Variants in AKT3 observed in about 807,000 individuals in gnomAD.
The protein encoded by AKT3 is RAC-gamma serine/threonine-protein kinase.
Under a neutral mutation model 65.3 loss-of-function variants are expected in AKT3, and 15 were observed. The ratio of observed to expected loss-of-function variants is 0.23; its 90% CI spans 0.15 to 0.35. AKT3 has a LOEUF of 0.35. AKT3 is among the 10% of genes least tolerant of loss of function. AKT3 has a pLI of 1.00. For missense variants in AKT3, 243 were observed against 576.5 expected (o/e 0.42, Z 5.92); for synonymous variants, 206 against 183.8 (o/e 1.12, Z -0.98).
At chr1:243,685,783 G>C (rs1406148087) in intron 3 of AKT3, among the ~76,000 whole-genome samples, 1 of 152,138 alleles carries the variant, frequency 6.6e-6, no homozygotes, top group Non-Finnish European at 1.5e-5. Context: ...AAGAAATAAA[G>C]GGGATTCAAA....
intron 6 of AKT3, among the ~76,000 whole-genome samples, chr1:243,626,480 C>G (rs1176500778): frequency 6.6e-6 from 1 of 152,098 alleles, no homozygotes; most frequent in Non-Finnish European, 1.5e-5. Context: ...AGCTGGGAAG[C>G]AAAAATGACA....
chr1:243,596,047 A>T (rs1161135601), intron 8 of AKT3, among the ~76,000 whole-genome samples: 1 of 152,212 alleles, frequency 6.6e-6, no homozygotes, highest in Non-Finnish European at 1.5e-5. Context: ...TACAACATTT[A>T]CATCACTAGG....
intron 13 of AKT3, chr1:243,488,507 C>T: frequency 5.0e-6 from 1 of 198,042 alleles, no homozygotes; most frequent in Non-Finnish European, 1.1e-5. Flanking sequence ...AGAGGAGCGC[C>T]CATCAGCAGA....
chr1:243,818,932 C>T (rs1276459942), intron 2 of AKT3, among the ~76,000 whole-genome samples: 1 of 152,174 alleles, frequency 6.6e-6, no homozygotes, highest in Non-Finnish European at 1.5e-5. Context: ...AAGGGGAGCT[C>T]CCACCCTCAG....
chr1:243,763,383 A>G (rs1478014396), intron 2 of AKT3, among the ~76,000 whole-genome samples: 3 of 152,096 alleles, frequency 2.0e-5, no homozygotes, highest in Non-Finnish European at 4.4e-5. Context: ...AATTATATTC[A>G]ATGAATGAGA....
chr1:243,615,244 A>G, intron 6 of AKT3, 83 bp from the exon 7 acceptor site: 1 of 1,082,114 alleles, frequency 9.2e-7, no homozygotes, highest in East Asian at 2.5e-5. Context: ...AAATTGGAAG[A>G]GGTTAAGCCC....
chr1:243,687,374 G>C (rs1684396923), intron 3 of AKT3: 1 of 152,136 alleles, frequency 6.6e-6, no homozygotes, highest in Non-Finnish European at 1.5e-5. Context: ...AGAAGAGGAA[G>C]CAGGCTCTAA....
At chr1:243,643,403 T>A (rs1025251834) in intron 5 of AKT3, among the ~76,000 whole-genome samples, 1 of 152,236 alleles carries the variant, frequency 6.6e-6, no homozygotes, top group Non-Finnish European at 1.5e-5. Flanking sequence ...CTTTTTATCC[T>A]TTTATGCTAT....
intron 10 of AKT3, among the ~76,000 whole-genome samples, chr1:243,558,216 T>C (rs1488792686): frequency 1.3e-5 from 2 of 152,078 alleles, no homozygotes; most frequent in South Asian, 2.1e-4. Context: ...CCTACAACAC[T>C]AGTCCATGCC....
rs1314007332 is a variant in AKT3, at chr1:243,502,585, G to A, written c.*2664C>T. On this transcript the variant is annotated 3_prime_UTR_variant, in exon 14 of 14. Coordinates refer to ENST00000673466, the MANE Select transcript of AKT3 (RefSeq NM_005465.7). ...AGAACCCAAAACTACAACTATGGGC[G>A]ACACAAGGGAAGTTTTAGAAATCTC... is the stretch of plus-strand genomic sequence containing the variant. 4.3e-6 allele frequency: 1 copy of A among 233,138 alleles called. No individual in the cohort carries two copies. Among genetic ancestry groups the A allele is most frequent in the Non-Finnish European group, 8.5e-6 (1 of 118,010 alleles). The allele number at this position is 233,138 out of a possible 1,614,324, so 14.4% of individuals were successfully genotyped here.
intron 13 of AKT3, among the ~76,000 whole-genome samples, chr1:243,488,781 A>T (rs978304949): frequency 6.6e-6 from 1 of 152,074 alleles, no homozygotes; most frequent in African/African-American, 2.4e-5. Flanking sequence ...CGTGTTTTCT[A>T]ATTGATAGTG....
chr1:243,612,022 TA>T (rs1677907492), intron 8 of AKT3, among the ~76,000 whole-genome samples: 1 of 152,208 alleles, frequency 6.6e-6, no homozygotes, highest in Non-Finnish European at 1.5e-5. Flanking sequence ...ACAGCAAGGA[TA>T]ATATCTTAAC....
At chr1:243,508,903 C>T (rs570930438) in intron 13 of AKT3, among the ~76,000 whole-genome samples, 2 of 152,114 alleles carry the variant, frequency 1.3e-5, no homozygotes, top group South Asian at 2.1e-4. Context: ...TCCTCCTGAC[C>T]TCAAGTGATC....
intron 2 of AKT3, among the ~76,000 whole-genome samples, chr1:243,712,531 T>A (rs1241443527): frequency 6.6e-6 from 1 of 152,116 alleles, no homozygotes; most frequent in East Asian, 1.9e-4. Flanking sequence ...CATAAGCACT[T>A]TTTAATTCTC....
chr1:243,744,347 G>C (rs1688341913), intron 2 of AKT3, among the ~76,000 whole-genome samples: 1 of 152,156 alleles, frequency 6.6e-6, no homozygotes, highest in African/African-American at 2.4e-5. Context: ...TTTAAATATA[G>C]GTGTTACATG....
At chr1:243,824,580 A>C (rs1431429527) in intron 2 of AKT3, among the ~76,000 whole-genome samples, 1 of 152,170 alleles carries the variant, frequency 6.6e-6, no homozygotes, top group South Asian at 2.1e-4. Context: ...ACTTCATTCG[A>C]AAGTGGGCAA....
At chr1:243,705,369 T>G (rs1572202016) in intron 2 of AKT3, among the ~76,000 whole-genome samples, 1 of 152,312 alleles carries the variant, frequency 6.6e-6, no homozygotes, top group South Asian at 2.1e-4. Flanking sequence ...TTGTTAGTAC[T>G]TTTATCTGCT....
chr1:243,560,905 T>A (rs989009820), intron 10 of AKT3, among the ~76,000 whole-genome samples: 6 of 152,124 alleles, frequency 3.9e-5, no homozygotes, highest in African/African-American at 1.4e-4. Context: ...AAATATGGCA[T>A]ATCTTCTTCC....
intron 3 of AKT3, 84 bp downstream of exon 3, chr1:243,695,507 T>C: frequency 7.7e-7 from 1 of 1,298,468 alleles, no homozygotes; most frequent in Non-Finnish European, 1.0e-6. Flanking sequence ...TTTCACAGGT[T>C]TCTCATATAG....
Sources: allele counts gnomAD v4.1 joint callset (sites outside exome capture counted in the v4.1 genomes callset), GRCh38; gene constraint gnomAD v4.1.1; transcripts MANE v1.5; gene names NCBI Gene and HGNC (gene_info 2026-07-23, HGNC 2026-07-21).